The following MPDZ variants were observed in gnomAD, a reference collection of about 807,000 sequenced individuals.
The protein encoded by MPDZ is multiple PDZ domain protein.
In MPDZ, 234 loss-of-function variants were observed where a neutral mutation model predicts 239.1. The observed-to-expected ratio is 0.98, with a 90% CI of 0.88 to 1.09. The LOEUF (loss-of-function observed/expected upper bound fraction) is 1.09, where lower values mean the gene tolerates loss of function less well. MPDZ is among the 50% of genes least tolerant of loss of function. The pLI is 0.00. For synonymous variants in MPDZ, 1,048 were observed against 881.3 expected (o/e 1.19, Z -3.35); for missense variants, 3,175 against 2,510.0 (o/e 1.26, Z -5.66).
At chr9:13,221,244 G>A (rs542047242) in intron 7 of MPDZ, 128 bp downstream of exon 7, 5 of 1,036,936 alleles carry the variant, frequency 4.8e-6, no homozygotes, top group Admixed American at 3.2e-5. Flanking sequence ...TCAATAAAAC[G>A]AAAGATTCTA....
chr9:13,192,379 A>C (rs1272687993), intron 14 of MPDZ, 84 bp from the exon 15 acceptor site: 1 of 1,212,672 alleles, frequency 8.2e-7, no homozygotes, highest in Admixed American at 2.2e-5. Context: ...TTAAATATAA[A>C]TTTTACTATA....
Position 13,138,062 on chromosome 9 carries a change from A to C in MPDZ, c.4095T>G (p.Ala1365=). The stretch of plus-strand genomic sequence containing the variant: ...TCATCCTGGATCGGTCTTTGTTCCC[A>C]GCAAGACTTAGGCCCAAACCACTAT... ...KGHSGLGLSL[A]GNKDRSRMSV... The change falls in exon 29 of 47, where the codon GCT becomes GCG. Residue 1365 remains alanine (A), a synonymous_variant. Coordinates refer to ENST00000319217, the MANE Select transcript of MPDZ (RefSeq NM_001378778.1). 1.9e-6 allele frequency: 3 copies of C among 1,613,806 alleles called. No homozygotes were observed. The highest frequency in any genetic ancestry group is 1.7e-6 in the Non-Finnish European group (2 of 1,179,750).
intron 21 of MPDZ, among the ~76,000 whole-genome samples, chr9:13,175,116 T>C (rs942189996): frequency 3.3e-5 from 5 of 152,216 alleles, no homozygotes; most frequent in African/African-American, 1.2e-4. Flanking sequence ...CTGAGTCACA[T>C]GACTGTGTAA....
intron 17 of MPDZ, among the ~76,000 whole-genome samples, chr9:13,188,142 C>T (rs1242824763): frequency 3.3e-5 from 5 of 152,018 alleles, no homozygotes; most frequent in Non-Finnish European, 5.9e-5. Flanking sequence ...TTTTAACACC[C>T]CATTACATTG....
chr9:13,172,290 A>G (rs1388159128), intron 21 of MPDZ, among the ~76,000 whole-genome samples: 1 of 152,202 alleles, frequency 6.6e-6, no homozygotes, highest in African/African-American at 2.4e-5. Flanking sequence ...TGAAGCAGAA[A>G]AGTTAAACTA....
chr9:13,197,217 C>T (rs1283521982), intron 12 of MPDZ, among the ~76,000 whole-genome samples: 2 of 151,608 alleles, frequency 1.3e-5, no homozygotes, highest in Non-Finnish European at 2.9e-5. Context: ...AGTGTTACTT[C>T]CTCAAAATTA....
At chr9:13,181,156 G>C (rs1463313194) in intron 19 of MPDZ, among the ~76,000 whole-genome samples, 1 of 152,108 alleles carries the variant, frequency 6.6e-6, no homozygotes, top group Non-Finnish European at 1.5e-5. Context: ...AAAAATCTAA[G>C]GAATTGCTGA....
rs1164158672 is a variant in MPDZ at position 13,129,393 on chromosome 9, G to C, written c.4465-2621C>G. ...CAGGAGAATCGCTTGAACCCGGGAG[G>C]TGGAGGATGCAGTGAGCCAAGATCA... On this transcript the variant is annotated intron_variant, in intron 32 of 46. Transcript: ENST00000319217. Among the ~76,000 whole-genome samples the C allele has an allele frequency of 2.6e-5, 4 of 151,974 alleles. No individual in the cohort carries two copies. In the East Asian group the frequency reaches 5.8e-4, roughly 22 times the overall value.
At chr9:13,161,595 C>G (rs1950500851) in intron 23 of MPDZ, among the ~76,000 whole-genome samples, 1 of 151,972 alleles carries the variant, frequency 6.6e-6, no homozygotes, top group Non-Finnish European at 1.5e-5. Flanking sequence ...AATTGTAGAA[C>G]TCTCTTCTGA....
chr9:13,188,162 T>C (rs865929750), intron 17 of MPDZ, among the ~76,000 whole-genome samples: 3 of 152,174 alleles, frequency 2.0e-5, no homozygotes, highest in African/African-American at 7.2e-5. Flanking sequence ...GGTATAGATA[T>C]TGTAAGCCAT....
Position 13,153,927 on chromosome 9 carries a change from C to T in MPDZ, c.3453-3239G>A, listed in dbSNP as rs73649152. 7.3e-3 allele frequency among the ~76,000 whole-genome samples: 1,111 copies of T among 152,158 alleles called. 18 individuals are homozygous for T. Among genetic ancestry groups the T allele is most frequent in the African/African-American group, 0.026 (1,069 of 41,524 alleles). On this transcript the variant is annotated intron_variant, in intron 24 of 46. Transcript: ENST00000319217. ...TGAGTAATACAGAAAACATAAGTAA[C>T]AGCAAATGTTTATTAAGGGTTGTAC...
chr9:13,262,643 A>T (rs1161209136), intron 1 of MPDZ, among the ~76,000 whole-genome samples: 1 of 152,038 alleles, frequency 6.6e-6, no homozygotes, highest in Non-Finnish European at 1.5e-5. Context: ...ATACTCTAGC[A>T]ATCTAAAAGA....
intron 3 of MPDZ, among the ~76,000 whole-genome samples, chr9:13,237,608 A>T (rs950917205): frequency 1.3e-5 from 2 of 152,134 alleles, no homozygotes; most frequent in African/African-American, 4.8e-5. Context: ...CTGAAAATCA[A>T]ACTATGATTA....
chr9:13,114,119 A>C (rs1168947024), intron 40 of MPDZ, 98 bp from the exon 41 acceptor site: 1 of 913,174 alleles, frequency 1.1e-6, no homozygotes, highest in Non-Finnish European at 1.7e-6. Context: ...GATACCTGTT[A>C]AGCAACAGTG....
chr9:13,231,043 T>G, intron 3 of MPDZ, among the ~76,000 whole-genome samples: 1 of 151,730 alleles, frequency 6.6e-6, no homozygotes, highest in South Asian at 2.1e-4. Flanking sequence ...AATGATACAA[T>G]AAAGAAATTC....
chr9:13,116,828 A>G (rs1389552797), intron 39 of MPDZ, among the ~76,000 whole-genome samples: 1 of 152,190 alleles, frequency 6.6e-6, no homozygotes, highest in African/African-American at 2.4e-5. Context: ...CCATAAGTCC[A>G]ACAATTACCT....
chr9:13,139,268 G>A (rs73406224), intron 28 of MPDZ, among the ~76,000 whole-genome samples: 7 of 152,142 alleles, frequency 4.6e-5, no homozygotes, highest in Admixed American at 6.5e-5. Context: ...GAAATAATTC[G>A]ATTTTTAAAA....
chr9:13,192,131 C>T lies in MPDZ; in HGVS notation c.1968G>A (p.Lys656=). Reference sequence around the variant, plus strand: ...AGCCTCATGTATGCAAATCTGATACCTTTTCTGTTAGCTCAATATCACATA... The same window carrying T: ...AGCCTCATGTATGCAAATCTGATACTTTTTCTGTTAGCTCAATATCACATA... ...LDLCDIELTE[K]PHVDLGEFIG... is the part of the protein sequence containing the mutation. Residue 656 remains lysine, a splice_region_variant and synonymous_variant, in exon 15 of 47, where the codon AAG becomes AAA. Transcript: ENST00000319217. 6.3e-7 allele frequency: 1 copy of T among 1,587,846 alleles called. No individual in the cohort carries two copies. Among genetic ancestry groups the T allele is most frequent in the Non-Finnish European group, 8.6e-7 (1 of 1,165,844 alleles).
At chr9:13,194,385 T>C (rs978466707) in intron 13 of MPDZ, among the ~76,000 whole-genome samples, 3 of 152,092 alleles carry the variant, frequency 2.0e-5, no homozygotes, top group East Asian at 1.9e-4. Context: ...AATTAGTTCA[T>C]GTCCTTTGCA....
Sources: gnomAD v4.1 joint callset for allele counts (sites outside exome capture counted in the v4.1 genomes callset) on GRCh38, gnomAD v4.1.1 for gene constraint, MANE v1.5 for transcripts, NCBI Gene and HGNC (gene_info 2026-07-23, HGNC 2026-07-21) for gene names.